The following MPHOSPH9 variants were observed in gnomAD, a reference collection of about 807,000 sequenced individuals.
The protein encoded by MPHOSPH9 is M-phase phosphoprotein 9.
Under a neutral mutation model 145.5 loss-of-function variants are expected in MPHOSPH9, and 88 were observed. That is an observed-to-expected ratio of 0.60 (90% CI 0.51 to 0.72). The LOEUF (loss-of-function observed/expected upper bound fraction) is 0.72, where lower values mean the gene tolerates loss of function less well. Ranked by LOEUF, MPHOSPH9 falls within the 30% of genes least tolerant of loss-of-function variation. MPHOSPH9 has a pLI of 0.00. For synonymous variants in MPHOSPH9, 435 were observed against 486.2 expected (o/e 0.89, Z 1.39); for missense variants, 1,238 against 1,386.6 (o/e 0.89, Z 1.70).
intron 8 of MPHOSPH9, among the ~76,000 whole-genome samples, 196 bp from the exon 9 acceptor site, chr12:123,203,571 T>C (rs1381960512): frequency 1.3e-5 from 2 of 152,188 alleles, no homozygotes; most frequent in Non-Finnish European, 2.9e-5. Context: ...TGTTTGGATC[T>C]CCTAACAATT....
chr12:123,200,364 T>A (rs1317096768), intron 11 of MPHOSPH9, among the ~76,000 whole-genome samples: 2 of 152,102 alleles, frequency 1.3e-5, no homozygotes, highest in Admixed American at 1.3e-4. Flanking sequence ...AATAATGTAC[T>A]GCTATTCATT....
At chr12:123,199,129 C>G (rs1400582360) in intron 11 of MPHOSPH9, among the ~76,000 whole-genome samples, 1 of 151,942 alleles carries the variant, frequency 6.6e-6, no homozygotes, top group Non-Finnish European at 1.5e-5. Flanking sequence ...CCTCAACCTC[C>G]TGAGTATGCA....
chr12:123,234,141 A>G (rs990667107), upstream of MPHOSPH9, among the ~76,000 whole-genome samples: 3 of 151,796 alleles, frequency 2.0e-5, no homozygotes, highest in Admixed American at 2.0e-4. Context: ...TCCCCGTGGG[A>G]CCCCAGCCCA....
chr12:123,228,066 C>T (rs1481657206), intron 2 of MPHOSPH9, among the ~76,000 whole-genome samples: 1 of 152,136 alleles, frequency 6.6e-6, no homozygotes, highest in Non-Finnish European at 1.5e-5. Context: ...TAAGCTGATG[C>T]TTATCTCTGC....
chr12:123,237,355 G>C (rs1048495556), upstream of MPHOSPH9, among the ~76,000 whole-genome samples: 9 of 152,190 alleles, frequency 5.9e-5, no homozygotes, highest in Non-Finnish European at 1.3e-4. Flanking sequence ...ACTTGAACCT[G>C]GGAGGCAGAG....
At position 123,156,893 on chromosome 12, in the gene MPHOSPH9, G is replaced by A. The variant is rs746240316; in HGVS notation, c.3466C>T (p.Arg1156Cys). The change falls in exon 24 of 24, where the codon CGT becomes TGT. Residue 1156 changes from arginine to cysteine, a missense_variant. Transcript: ENST00000606320. ...TRLNQEALED[R>C]LERINRELGS... ...AGTTCTCGATTAATCCTTTCCAAAC[G>A]ATCTTCCAAGGCTTCCTAGGTGAAA... 1.1e-5 allele frequency: 17 copies of A among 1,605,776 alleles called. No homozygotes were observed. The highest frequency in any genetic ancestry group is 1.7e-5 in the Admixed American group (1 of 59,896).
At chr12:123,201,511 G>A (rs561966147) in intron 11 of MPHOSPH9, among the ~76,000 whole-genome samples, 2 of 151,948 alleles carry the variant, frequency 1.3e-5, no homozygotes, top group African/African-American at 4.8e-5. Flanking sequence ...TCCCCAGTAA[G>A]TGGGACCACA....
At chr12:123,235,844 G>C (rs111818294), upstream of MPHOSPH9, among the ~76,000 whole-genome samples, 1 of 151,628 alleles carries the variant, frequency 6.6e-6, no homozygotes, top group African/African-American at 2.4e-5. Flanking sequence ...CAAGCGGATC[G>C]CTTGAGGTCA....
chr12:123,162,973 C>T, intron 20 of MPHOSPH9, 41 bp downstream of exon 20: 1 of 1,505,342 alleles, frequency 6.6e-7, no homozygotes. Context: ...AAAAAAATCA[C>T]TAATATAGTA....
rs771357441 is a variant in MPHOSPH9 at position 123,164,104 on chromosome 12, A to C, written c.2768-14T>G. 5.0e-6 allele frequency: 8 copies of C among 1,613,290 alleles called. No individual in the cohort carries two copies. The South Asian group carries it at 8.8e-5, about 18-fold the overall frequency. On this transcript the variant is annotated splice_polypyrimidine_tract_variant and intron_variant, in intron 18 of 23. Transcript: ENST00000606320. ...GCCGAGGATTTACTACAGCAGACCA[A>C]AAAAAAGCAAAACAAAAAACAAATC...
chr12:123,233,980 C>A, upstream of MPHOSPH9: 1 of 151,024 alleles, frequency 6.6e-6, no homozygotes, highest in African/African-American at 2.4e-5. Context: ...TTTTAATAGA[C>A]GTGGGGTGGG....
At position 123,161,165 on chromosome 12, in the gene MPHOSPH9, A is replaced by C. The variant is rs1396614906; in HGVS notation, c.3352T>G (p.Phe1118Val). 4 of 1,613,936 alleles carry C rather than the reference A, an allele frequency of 2.5e-6. No individual in the cohort carries two copies. The highest frequency in any genetic ancestry group is 3.4e-6 in the Non-Finnish European group (4 of 1,179,970). The change falls in exon 22 of 24, where the codon TTT (phenylalanine) becomes GTT (valine). Residue 1118 changes from phenylalanine (F) to valine (V), a missense_variant. Physicochemically the swap from Phe to Val is conservative, Grantham distance 50 (BLOSUM62 -1). Around this residue, in one of 3 missense-constraint regions of MPHOSPH9, gnomAD observed 393 missense variants for 462.5 expected, o/e 0.85. Transcript: ENST00000606320. ...IRTLAETERF[F>V]DELTKEKDQI... ...TCCTTTTCTTTTGTAAGTTCATCAA[A>C]AAATCGTTCTGTTTCAGCTAGGGTC...
chr12:123,235,906 A>G (rs2047843434), upstream of MPHOSPH9, among the ~76,000 whole-genome samples: 1 of 151,852 alleles, frequency 6.6e-6, no homozygotes, highest in Non-Finnish European at 1.5e-5. Flanking sequence ...TGGGCTAAGA[A>G]TACAAAAATT....
rs755669070 is a variant in MPHOSPH9, at chr12:123,203,347, G to A, written c.1223C>T (p.Pro408Leu). Residue 408 changes from proline (P) to leucine (L), a missense_variant, in exon 9 of 24, where the codon CCG becomes CTG. Physicochemically the swap from Pro to Leu is moderately conservative, Grantham distance 98. Coordinates refer to ENST00000606320, the MANE Select transcript of MPHOSPH9 (RefSeq NM_022782.4). ...QSNTSNEMKL[P>L]SLKDIYYKKQ... ...TTTATAATAAATATCCTTCAGTGAC[G>A]GTAGCTTCATCTCATTACTAGTATT... The A allele has an allele frequency of 1.9e-5, 30 of 1,608,456 alleles. No individual in the cohort carries two copies. Among genetic ancestry groups the A allele is most frequent in the East Asian group, 4.5e-5 (2 of 44,840 alleles).
chr12:123,230,405 G>C lies in MPHOSPH9; in HGVS notation c.-41C>G. The C allele has an allele frequency of 7.7e-7, 1 of 1,290,406 alleles. No homozygotes were observed. The highest frequency in any genetic ancestry group is 1.1e-6 in the Non-Finnish European group (1 of 941,234). The allele number at this position is 1,290,406 out of a possible 1,614,324, so 79.9% of individuals were successfully genotyped here. On this transcript the variant is annotated 5_prime_UTR_variant, in exon 2 of 24. Transcript: ENST00000606320. Reference sequence around the variant, plus strand: ...TTATATTCTCTTATTGGAAAATAAAGGTTCTTGGGCTGTTTGAGAAAAATG... The same window carrying C: ...TTATATTCTCTTATTGGAAAATAAACGTTCTTGGGCTGTTTGAGAAAAATG...
rs969405308 is a variant in MPHOSPH9 at position 123,218,586 on chromosome 12, C to T, written c.873-87G>A. ...TGTCGCCCAGGCTGGAGTACGGTGG[C>T]GCAATCTCAGTTCACTGCAACCTCC... On this transcript the variant is annotated intron_variant, in intron 5 of 23. Transcript: ENST00000606320. 45 of 1,323,800 alleles carry T rather than the reference C, an allele frequency of 3.4e-5. No homozygotes were observed. In the Admixed American group the frequency reaches 6.5e-4, roughly 19 times the overall value. 82.0% of individuals were successfully genotyped at this position (1,323,800 alleles called of 1,614,324 possible).
At chr12:123,233,544 G>A (rs2047766537), upstream of MPHOSPH9, 1 of 152,254 alleles carries the variant, frequency 6.6e-6, no homozygotes, top group African/African-American at 2.4e-5. Flanking sequence ...AAGCATCTGC[G>A]GAGAAGCCAG....
At position 123,155,541 on chromosome 12, in the gene MPHOSPH9, GT is replaced by G. The variant is rs1162727633; in HGVS notation, c.*1265del. ...AAACCAAAATTTAAAACCTGAGCAT[GT>G]TTAGTACGAATCCATTTTGAAAGTT... On this transcript the variant is annotated 3_prime_UTR_variant, in exon 24 of 24. Coordinates refer to ENST00000606320, the MANE Select transcript of MPHOSPH9 (RefSeq NM_022782.4). 6.6e-6 allele frequency: 1 copy of G among 152,216 alleles called. No homozygotes were observed. Among genetic ancestry groups the G allele is most frequent in the Non-Finnish European group, 1.5e-5 (1 of 68,034 alleles). 9.4% of individuals were successfully genotyped at this position (152,216 alleles called of 1,614,324 possible).
chr12:123,228,000 C>A (rs1452531830), intron 2 of MPHOSPH9, among the ~76,000 whole-genome samples: 1 of 152,144 alleles, frequency 6.6e-6, no homozygotes, highest in Non-Finnish European at 1.5e-5. Flanking sequence ...ATTCTTTCCC[C>A]ACTGCCCCAA....
Sources: gnomAD v4.1 joint callset for allele counts (sites outside exome capture counted in the v4.1 genomes callset) on GRCh38, gnomAD v4.1.1 for gene constraint, gnomAD v4.1.1 regional missense constraint, MANE v1.5 for transcripts, NCBI Gene and HGNC (gene_info 2026-07-23, HGNC 2026-07-21) for gene names.